Variants in NOTCH4 observed in about 807,000 individuals in gnomAD.
NOTCH4 encodes the protein notch receptor 4, also known as neurogenic locus notch homolog protein 4.
A neutral mutation model predicts 189.0 loss-of-function variants in NOTCH4; 138 were observed. That is an observed-to-expected ratio of 0.73 (90% CI 0.64 to 0.84). The LOEUF is 0.84. Ranked by LOEUF, NOTCH4 falls within the 40% of genes least tolerant of loss-of-function variation. NOTCH4 has a pLI of 0.00. For synonymous variants in NOTCH4, 942 were observed against 1,032.8 expected (o/e 0.91, Z 1.69); for missense variants, 2,286 against 2,605.4 (o/e 0.88, Z 2.67).
Position 32,217,919 on chromosome 6 carries a change from G to T in NOTCH4, c.1624+76C>A. 1 of 946,028 alleles carries T rather than the reference G, an allele frequency of 1.1e-6. No individual in the cohort carries two copies. Among genetic ancestry groups the T allele is most frequent in the Non-Finnish European group, 1.7e-6 (1 of 591,282 alleles). The allele number at this position is 946,028 out of a possible 1,614,324, so 58.6% of individuals were successfully genotyped here. On this transcript the variant is annotated intron_variant, in intron 9 of 29. Transcript: ENST00000375023. This position sits in a 1 kb window ranked among gnomAD's most constrained non-coding sequence, Gnocchi z 4.2. Reference sequence around the variant, plus strand: ...CTAGAGAGAGCTTCAAGTGGCCTTGGGTGATTGCTGAGCCTGAACTCTGCA... The same window carrying T: ...CTAGAGAGAGCTTCAAGTGGCCTTGTGTGATTGCTGAGCCTGAACTCTGCA...
At position 32,195,541 on chromosome 6, in the gene NOTCH4, G is replaced by A. The variant is rs969543760; in HGVS notation, c.5908C>T (p.Pro1970Ser). 4.3e-6 allele frequency: 7 copies of A among 1,613,002 alleles called. No homozygotes were observed. The highest frequency in any genetic ancestry group is 2.7e-5 in the African/African-American group (2 of 74,944). ...GSASNIPIPP[P>S]CLTPSPERGS... Reference sequence around the variant, plus strand: ...CGCTCCGGGGACGGAGTAAGGCAAGGAGGCGGGATCGGAATGTTGGAGGCA... The same window carrying A: ...CGCTCCGGGGACGGAGTAAGGCAAGAAGGCGGGATCGGAATGTTGGAGGCA... Residue 1970 changes from proline (P) to serine (S), a missense_variant, in exon 30 of 30, where the codon CCT (proline) becomes TCT (serine). Pro to Ser is a moderately conservative substitution (Grantham distance 74). Around this residue, in one of 2 missense-constraint regions of NOTCH4, gnomAD observed 383 missense variants for 343.5 expected, o/e 1.11. Coordinates refer to ENST00000375023, the MANE Select transcript of NOTCH4 (RefSeq NM_004557.4). This position sits in a 1 kb window ranked among gnomAD's most constrained non-coding sequence, Gnocchi z 5.4.
At chr6:32,209,541 A>T (rs1375312399) in intron 18 of NOTCH4, among the ~76,000 whole-genome samples, 1 of 152,220 alleles carries the variant, frequency 6.6e-6, no homozygotes, top group East Asian at 1.9e-4. Context: ...GATGATAGAT[A>T]TCCCAATTAC....
rs1407954266 is a variant in NOTCH4, at chr6:32,221,134, G to C, written c.643C>G (p.Leu215Val). 6.2e-7 allele frequency: 1 copy of C among 1,613,008 alleles called. No homozygotes were observed. Among genetic ancestry groups the C allele is most frequent in the Non-Finnish European group, 8.5e-7 (1 of 1,180,040 alleles). ...GGGCAGAGGCACTGGAAGGAGCCCAGGGTGTTATGGCAGGAGGTGCCTTTG... is the reference window on the plus strand; with the variant it reads ...GGGCAGAGGCACTGGAAGGAGCCCACGGTGTTATGGCAGGAGGTGCCTTTG... The part of the protein sequence containing the change: ...CPKGTSCHNT[L>V]GSFQCLCPVG... The change falls in exon 4 of 30, where the codon CTG becomes GTG. Residue 215 changes from leucine to valine, a missense_variant. Leu to Val is a conservative substitution (Grantham distance 32, BLOSUM62 1). Around this residue, in one of 2 missense-constraint regions of NOTCH4, gnomAD observed 1,903 missense variants for 2,261.9 expected, o/e 0.84. Transcript: ENST00000375023. The surrounding 1 kb of genome is among the most constrained non-coding windows in gnomAD (Gnocchi z 4.3).
At chr6:32,215,790 T>G in intron 11 of NOTCH4, 1 of 169,900 alleles carries the variant, frequency 5.9e-6, no homozygotes. Flanking sequence ...CTTTCTCTCT[T>G]TCCTCATTTC....
Position 32,220,877 on chromosome 6 carries a change from A to T in NOTCH4, c.801T>A (p.Gly267=), listed in dbSNP as rs1446885376. Reference sequence around the variant, plus strand: ...TCACCTCACAGTCTGGGCCTATGAAACCTGACAGGGTCATGGATCAGCTGT... The same window carrying T: ...TCACCTCACAGTCTGGGCCTATGAATCCTGACAGGGTCATGGATCAGCTGT... The part of the protein sequence containing the change: ...STFHLCLCPP[G]FIGPDCEVNP... The change falls in exon 5 of 30, where the codon GGT becomes GGA. Residue 267 remains glycine (G), a splice_region_variant and synonymous_variant. Transcript: ENST00000375023. 1.2e-6 allele frequency: 2 copies of T among 1,612,982 alleles called. No individual in the cohort carries two copies. Among genetic ancestry groups the T allele is most frequent in the Non-Finnish European group, 1.7e-6 (2 of 1,179,486 alleles).
intron 18 of NOTCH4, among the ~76,000 whole-genome samples, chr6:32,209,905 A>AG (rs1338932709): frequency 6.6e-6 from 1 of 150,826 alleles, no homozygotes; most frequent in Admixed American, 6.6e-5. Context: ...AAAAAAAAAA[A>AG]GAAACCAAAA....
intron 18 of NOTCH4, among the ~76,000 whole-genome samples, chr6:32,207,315 A>C (rs1788742515): frequency 6.6e-6 from 1 of 151,884 alleles, no homozygotes. Context: ...AAAACTGGAT[A>C]TCCATATGCA....
Position 32,212,450 on chromosome 6 carries a change from C to G in NOTCH4, c.2680+24G>C, listed in dbSNP as rs773336955. The stretch of plus-strand genomic sequence containing the variant: ...CACCCATATTTTCTTCATTTGCTCT[C>G]CAGTCAGTGCCGGCGTTGGTTACCT... On this transcript the variant is annotated intron_variant, in intron 17 of 29. Transcript: ENST00000375023. The surrounding 1 kb of genome is among the most constrained non-coding windows in gnomAD (Gnocchi z 4.4). 6.3e-7 allele frequency: 1 copy of G among 1,582,016 alleles called. No homozygotes were observed.
At chr6:32,213,510 A>G (rs866910535) in intron 14 of NOTCH4, among the ~76,000 whole-genome samples, 178 bp downstream of exon 14, 8 of 152,264 alleles carry the variant, frequency 5.3e-5, no homozygotes, top group Middle Eastern at 3.4e-3. Flanking sequence ...TAGCCTCCCA[A>G]GTATTTGAGA....
At position 32,212,283 on chromosome 6, in the gene NOTCH4, C is replaced by T. The variant is rs1198898119; in HGVS notation, c.2680+191G>A. ...GCTTGAATTGCGTTAAATGAGGTAA[C>T]AGGAATTGTGTTAGGCTTCTCTGAT... On this transcript the variant is annotated intron_variant, in intron 17 of 29. Coordinates refer to ENST00000375023, the MANE Select transcript of NOTCH4 (RefSeq NM_004557.4). This position sits in a 1 kb window ranked among gnomAD's most constrained non-coding sequence, Gnocchi z 4.4. 6.6e-6 allele frequency among the ~76,000 whole-genome samples: 1 copy of T among 152,090 alleles called. No individual in the cohort carries two copies. The highest frequency in any genetic ancestry group is 3.2e-3 in the Middle Eastern group (1 of 316).
rs1788945440 is a variant in NOTCH4, at chr6:32,210,534, A to G, written c.2865+218T>C. ...ATCTATCTGGAACGCAACAAAGGTCAGGACTCAGGCAGTGGGACAAAGGGT... is the reference window on the plus strand; with the variant it reads ...ATCTATCTGGAACGCAACAAAGGTCGGGACTCAGGCAGTGGGACAAAGGGT... On this transcript the variant is annotated intron_variant, in intron 18 of 29. Coordinates refer to ENST00000375023, the MANE Select transcript of NOTCH4 (RefSeq NM_004557.4). This position sits in a 1 kb window ranked among gnomAD's most constrained non-coding sequence, Gnocchi z 4.8. 6.6e-6 allele frequency among the ~76,000 whole-genome samples: 1 copy of G among 152,234 alleles called. No homozygotes were observed. The highest frequency in any genetic ancestry group is 2.1e-4 in the South Asian group (1 of 4,836).
Position 32,195,924 on chromosome 6 carries a change from C to G in NOTCH4, c.5525G>C (p.Arg1842Pro), listed in dbSNP as rs1179250952. The G allele has an allele frequency of 5.0e-6, 8 of 1,586,582 alleles. No individual in the cohort carries two copies. The highest frequency in any genetic ancestry group is 6.0e-6 in the Non-Finnish European group (7 of 1,173,824). ...TPGREAGPFP[R>P]ARTVSVSVPP... ...CACGCTTACTGACACCGTCCGTGCGCGCGGGAAGGGCCCAGCCTCGCGGCC... is the reference window on the plus strand; with the variant it reads ...CACGCTTACTGACACCGTCCGTGCGGGCGGGAAGGGCCCAGCCTCGCGGCC... Residue 1842 changes from arginine to proline, a missense_variant, in exon 30 of 30, where the codon CGC (arginine) becomes CCC (proline). Transcript: ENST00000375023. The surrounding 1 kb of genome is among the most constrained non-coding windows in gnomAD (Gnocchi z 5.4).
chr6:32,222,096 C>A (rs993651259), intron 3 of NOTCH4, among the ~76,000 whole-genome samples: 1 of 152,106 alleles, frequency 6.6e-6, no homozygotes, highest in African/African-American at 2.4e-5. Flanking sequence ...GGTGCCCCTC[C>A]CACCACTGCA....
At position 32,201,426 on chromosome 6, in the gene NOTCH4, C is replaced by T; in HGVS notation, c.3830G>A (p.Cys1277Tyr). The T allele has an allele frequency of 1.9e-6, 3 of 1,553,764 alleles. No homozygotes were observed. The highest frequency in any genetic ancestry group is 2.7e-5 in the African/African-American group (2 of 73,374). The part of the protein sequence containing the change: ...HCEKGCNTAE[C>Y]GWDGGDCRPE... ...CCTGCAGTCACCTCCATCCCAGCCA[C>T]ACTCTGCAGTGTTGCAGCCTTTCTC... The change falls in exon 22 of 30, where the codon TGT (cysteine) becomes TAT (tyrosine). Residue 1277 changes from cysteine to tyrosine, a missense_variant. By Grantham distance (194) the Cys-to-Tyr change is radical. Coordinates refer to ENST00000375023, the MANE Select transcript of NOTCH4 (RefSeq NM_004557.4). This position sits in a 1 kb window ranked among gnomAD's most constrained non-coding sequence, Gnocchi z 5.5.
chr6:32,212,469 G>C lies in NOTCH4; in HGVS notation c.2680+5C>G. 1 of 1,601,630 alleles carries C rather than the reference G, an allele frequency of 6.2e-7. No homozygotes were observed. Among genetic ancestry groups the C allele is most frequent in the Non-Finnish European group, 8.5e-7 (1 of 1,174,266 alleles). Reference sequence around the variant, plus strand: ...TGCTCTCCAGTCAGTGCCGGCGTTGGTTACCTTGGCTCAGTGCAGCCTTCT... The same window carrying C: ...TGCTCTCCAGTCAGTGCCGGCGTTGCTTACCTTGGCTCAGTGCAGCCTTCT... On this transcript the variant is annotated splice_donor_5th_base_variant and intron_variant, in intron 17 of 29. Coordinates refer to ENST00000375023, the MANE Select transcript of NOTCH4 (RefSeq NM_004557.4). The surrounding 1 kb of genome is among the most constrained non-coding windows in gnomAD (Gnocchi z 4.4).
rs770742362 is a variant in NOTCH4 at position 32,212,635 on chromosome 6, G to T, written c.2527-8C>A. The T allele has an allele frequency of 6.2e-7, 1 of 1,607,764 alleles. No individual in the cohort carries two copies. The highest frequency in any genetic ancestry group is 8.5e-7 in the Non-Finnish European group (1 of 1,177,134). On this transcript the variant is annotated splice_polypyrimidine_tract_variant and splice_region_variant and intron_variant, in intron 16 of 29. Transcript: ENST00000375023. This position sits in a 1 kb window ranked among gnomAD's most constrained non-coding sequence, Gnocchi z 4.4. The stretch of plus-strand genomic sequence containing the variant: ...ACATAAGTCCATCAGAGTCTGAGGG[G>T]TGGGAGGGAGCGTGAGGCAGGACAT...
At position 32,203,756 on chromosome 6, in the gene NOTCH4, T is replaced by A. The variant is rs371230331; in HGVS notation, c.3231+14A>T. On this transcript the variant is annotated intron_variant, in intron 20 of 29. Transcript: ENST00000375023. ...ATAGGGGGCAACAGAGAAGGCAGAT[T>A]TGTGGTCACTTGCCTTGGGGCAGTG... The A allele has an allele frequency of 2.4e-5, 37 of 1,542,854 alleles. No homozygotes were observed. The African/African-American group carries it at 4.8e-4, about 20-fold the overall frequency.
Position 32,220,114 on chromosome 6 carries a change from T to C in NOTCH4, c.1315+15A>G. On this transcript the variant is annotated intron_variant, in intron 7 of 29. Transcript: ENST00000375023. ...TCTGAGGCTCAGAGAGGCTCTGAAG[T>C]GGGAGTGGCCTCACCCATCAGACAC... 6.2e-7 allele frequency: 1 copy of C among 1,612,024 alleles called. No individual in the cohort carries two copies. Among genetic ancestry groups the C allele is most frequent in the Non-Finnish European group, 8.5e-7 (1 of 1,179,488 alleles).
intron 15 of NOTCH4, 97 bp downstream of exon 15, chr6:32,213,038 G>T: frequency 3.2e-6 from 4 of 1,252,226 alleles, no homozygotes; most frequent in Non-Finnish European, 4.6e-6. Context: ...AACGAGGTGT[G>T]GGGTGGGAGG....
Sources: allele counts gnomAD v4.1 joint callset (sites outside exome capture counted in the v4.1 genomes callset), GRCh38; gene constraint gnomAD v4.1.1; regional missense constraint gnomAD v4.1.1; non-coding constraint Gnocchi (gnomAD v3.1); transcripts MANE v1.5; gene names NCBI Gene and HGNC (gene_info 2026-07-23, HGNC 2026-07-21).